Variants in STAT4 observed in about 807,000 individuals in gnomAD.
The protein encoded by STAT4 is signal transducer and activator of transcription 4.
Under a neutral mutation model 110.5 loss-of-function variants are expected in STAT4, and 42 were observed. The observed-to-expected ratio is 0.38, with a 90% CI of 0.30 to 0.49. STAT4 has a LOEUF of 0.49. Ranked by LOEUF, STAT4 falls within the 20% of genes least tolerant of loss-of-function variation. The probability of loss-of-function intolerance (pLI) is 0.95; values close to 1 mark genes in which losing one functional copy is unlikely to be tolerated. For missense variants in STAT4, 632 were observed against 887.9 expected, an observed-to-expected ratio of 0.71 and a Z score of 3.66; for synonymous variants, 284 against 302.2, an observed-to-expected ratio of 0.94 and a Z score of 0.63.
intron 3 of STAT4, chr2:191,131,776 C>G (rs905134054): frequency 1.6e-5 from 21 of 1,303,994 alleles, no homozygotes; most frequent in Non-Finnish European, 2.0e-5. Context: ...TCTTGGTTTC[C>G]TCAATTAGTA....
chr2:191,149,703 CG>C (rs1699545950), intron 1 of STAT4, among the ~76,000 whole-genome samples: 1 of 152,134 alleles, frequency 6.6e-6, no homozygotes, highest in South Asian at 2.1e-4. Flanking sequence ...TATATTCCAT[CG>C]GATGTGTATA....
intron 3 of STAT4, among the ~76,000 whole-genome samples, chr2:191,097,635 A>T (rs1401212312): frequency 6.6e-6 from 1 of 152,240 alleles, no homozygotes; most frequent in Non-Finnish European, 1.5e-5. Context: ...TGGATTAAAG[A>T]CTTAAATGTT....
rs1698496578 is a variant in STAT4 at position 191,113,932 on chromosome 2, A to AGACAG, written c.273+32676_273+32680dup. Reference sequence around the variant, plus strand: ...CCTCTCCCTTCTGCTCAACCACCACAGACAGGAGGTTCCCCTAGAGTTTAT... The same window carrying AGACAG: ...CCTCTCCCTTCTGCTCAACCACCACAGACAGGACAGGAGGTTCCCCTAGAGTTTAT... On this transcript the variant is annotated intron_variant, in intron 3 of 23. Coordinates refer to ENST00000392320, the MANE Select transcript of STAT4 (RefSeq NM_003151.4). The surrounding 1 kb of genome is among the most constrained non-coding windows in gnomAD (Gnocchi z 4.8). 6.6e-6 allele frequency among the ~76,000 whole-genome samples: 1 copy of AGACAG among 152,210 alleles called. No homozygotes were observed. The highest frequency in any genetic ancestry group is 1.5e-5 in the Non-Finnish European group (1 of 68,038).
In STAT4 at chr2:191,142,319, G is replaced by T. The variant is rs73052588; in HGVS notation, c.273+4294C>A. 6.6e-6 allele frequency among the ~76,000 whole-genome samples: 1 copy of T among 151,954 alleles called. No homozygotes were observed. The highest frequency in any genetic ancestry group is 1.5e-5 in the Non-Finnish European group (1 of 67,998). On this transcript the variant is annotated intron_variant, in intron 3 of 23. Transcript: ENST00000392320. This position sits in a 1 kb window ranked among gnomAD's most constrained non-coding sequence, Gnocchi z 4.1. ...CATGTCATTTGCAGCAACACGGATCGTACAAGATGTCATTATGTTAAATAA... is the reference window on the plus strand; with the variant it reads ...CATGTCATTTGCAGCAACACGGATCTTACAAGATGTCATTATGTTAAATAA...
At chr2:191,130,262 G>A (rs866666756) in intron 3 of STAT4, among the ~76,000 whole-genome samples, 17 of 122,980 alleles carry the variant, frequency 1.4e-4, no homozygotes, top group Admixed American at 5.1e-4. Flanking sequence ...TTGGCCTGCC[G>A]CCCAGGCTGG....
intron 5 of STAT4, among the ~76,000 whole-genome samples, chr2:191,070,457 C>A (rs1697114686): frequency 6.6e-6 from 1 of 152,146 alleles, no homozygotes; most frequent in African/African-American, 2.4e-5. Flanking sequence ...TGAAGTAACT[C>A]ACTTGTCCAA....
At chr2:191,109,986 C>T (rs879818360) in intron 3 of STAT4, among the ~76,000 whole-genome samples, 1 of 152,106 alleles carries the variant, frequency 6.6e-6, no homozygotes. Context: ...TTCTCAGGGG[C>T]CCCCATTCAT....
chr2:191,151,516 G>A (rs543466196), upstream of STAT4: 1 of 985,512 alleles, frequency 1.0e-6, no homozygotes, highest in Non-Finnish European at 1.2e-6. The surrounding 1 kb of genome is among the most constrained non-coding windows in gnomAD (Gnocchi z 4.7). Context: ...CCAGAGGGTT[G>A]GGCCAAGTCC....
At chr2:191,119,653 A>G (rs1024471821) in intron 3 of STAT4, among the ~76,000 whole-genome samples, 1 of 152,204 alleles carries the variant, frequency 6.6e-6, no homozygotes, top group Admixed American at 6.5e-5. Context: ...CTGCAGGTTT[A>G]TTTGTTGAAA....
chr2:191,035,884 T>C lies in STAT4; in HGVS notation c.1570+280A>G, dbSNP rs1696030360. On this transcript the variant is annotated intron_variant, in intron 17 of 23. Coordinates refer to ENST00000392320, the MANE Select transcript of STAT4 (RefSeq NM_003151.4). This position sits in a 1 kb window ranked among gnomAD's most constrained non-coding sequence, Gnocchi z 4.7. ...GACCTGGACAGGTCTGGCCTGTGGC[T>C]TGGTGCTGCTGTGTACTAGCCATGC... Among the ~76,000 whole-genome samples, 1 of 152,218 alleles carries C rather than the reference T, an allele frequency of 6.6e-6. No homozygotes were observed. The highest frequency in any genetic ancestry group is 1.5e-5 in the Non-Finnish European group (1 of 68,036).
intron 3 of STAT4, among the ~76,000 whole-genome samples, chr2:191,128,525 T>A (rs2125409083): frequency 6.6e-6 from 1 of 152,368 alleles, no homozygotes; most frequent in South Asian, 2.1e-4. Context: ...CTTCGTGGGA[T>A]ATTCAGAACT....
chr2:191,139,544 C>T (rs920352100), intron 3 of STAT4, among the ~76,000 whole-genome samples: 4 of 152,206 alleles, frequency 2.6e-5, no homozygotes, highest in Middle Eastern at 6.8e-3. Context: ...TATACCTATC[C>T]AAGGGGGTGA....
In STAT4 at chr2:191,147,937, G is replaced by T; in HGVS notation, c.128+139C>A. 1.7e-6 allele frequency: 2 copies of T among 1,162,124 alleles called. No individual in the cohort carries two copies. The highest frequency in any genetic ancestry group is 1.2e-6 in the Non-Finnish European group (1 of 841,816). 72.0% of individuals were successfully genotyped at this position (1,162,124 alleles called of 1,614,324 possible). On this transcript the variant is annotated intron_variant, in intron 2 of 23. Coordinates refer to ENST00000392320, the MANE Select transcript of STAT4 (RefSeq NM_003151.4). The surrounding 1 kb of genome is among the most constrained non-coding windows in gnomAD (Gnocchi z 4.1). ...ACAATTATTCCCCTTCTTTGGGAAG[G>T]CTTTCAAATCCTTGAGAAAGTTCTT...
rs1698441955 is a variant in STAT4, at chr2:191,112,137, T to C, written c.273+34476A>G. Among the ~76,000 whole-genome samples, 1 of 152,242 alleles carries C rather than the reference T, an allele frequency of 6.6e-6. No individual in the cohort carries two copies. The highest frequency in any genetic ancestry group is 1.5e-5 in the Non-Finnish European group (1 of 68,048). On this transcript the variant is annotated intron_variant, in intron 3 of 23. Coordinates refer to ENST00000392320, the MANE Select transcript of STAT4 (RefSeq NM_003151.4). The surrounding 1 kb of genome is among the most constrained non-coding windows in gnomAD (Gnocchi z 4.3). ...ACTTTAAATATATATATATTGTATG[T>C]CATTATACCTCTGTAAGGTTGTTAG...
At chr2:191,055,925 G>A (rs766154204) in intron 13 of STAT4, among the ~76,000 whole-genome samples, 2 of 152,162 alleles carry the variant, frequency 1.3e-5, no homozygotes, top group African/African-American at 2.4e-5. Flanking sequence ...CTTGTTGAAA[G>A]TTCCTGGATG....
At chr2:191,125,280 C>G (rs1293691505) in intron 3 of STAT4, among the ~76,000 whole-genome samples, 2 of 151,924 alleles carry the variant, frequency 1.3e-5, no homozygotes, top group African/African-American at 4.8e-5. Flanking sequence ...ATGTCACAGG[C>G]ATTTACGAGG....
At chr2:191,139,559 T>C (rs1699267974) in intron 3 of STAT4, among the ~76,000 whole-genome samples, 1 of 152,074 alleles carries the variant, frequency 6.6e-6, no homozygotes, top group African/African-American at 2.4e-5. Flanking sequence ...GGGTGAAAGA[T>C]CTCTACAAAG....
intron 3 of STAT4, among the ~76,000 whole-genome samples, chr2:191,080,093 T>C (rs1697420500): frequency 6.6e-6 from 1 of 152,176 alleles, no homozygotes; most frequent in African/African-American, 2.4e-5. Context: ...TTTAGACTTT[T>C]ATATATTAGT....
At chr2:191,128,839 AT>A (rs1292588216) in intron 3 of STAT4, among the ~76,000 whole-genome samples, 1 of 152,144 alleles carries the variant, frequency 6.6e-6, no homozygotes, top group Non-Finnish European at 1.5e-5. Context: ...ATTGATAGAG[AT>A]TTTTTTATTT....
Sources: allele counts gnomAD v4.1 joint callset (sites outside exome capture counted in the v4.1 genomes callset), GRCh38; gene constraint gnomAD v4.1.1; non-coding constraint Gnocchi (gnomAD v3.1); transcripts MANE v1.5; gene names NCBI Gene and HGNC (gene_info 2026-07-23, HGNC 2026-07-21).